PCDH17: variants seen among roughly 807,000 people sequenced by gnomAD.
PCDH17 encodes protocadherin-17.
A neutral mutation model predicts 67.7 loss-of-function variants in PCDH17; 21 were observed. The ratio of observed to expected loss-of-function variants is 0.31; its 90% CI spans 0.22 to 0.45. PCDH17 has a LOEUF of 0.45. PCDH17 is among the 20% of genes least tolerant of loss of function. The pLI is 1.00. For missense variants in PCDH17, 1,471 were observed against 1,564.8 expected, an observed-to-expected ratio of 0.94 and a Z score of 1.01; for synonymous variants, 701 against 656.7, an observed-to-expected ratio of 1.07 and a Z score of -1.03.
At chr13:57,657,908 C>T (rs908506974) in intron 1 of PCDH17, among the ~76,000 whole-genome samples, 2 of 152,106 alleles carry the variant, frequency 1.3e-5, no homozygotes, top group Non-Finnish European at 2.9e-5. Flanking sequence ...CATCCAACCC[C>T]AAATTAGATT....
intron 3 of PCDH17, among the ~76,000 whole-genome samples, chr13:57,682,715 A>C (rs1955465031): frequency 6.6e-6 from 1 of 151,844 alleles, no homozygotes; most frequent in Non-Finnish European, 1.5e-5. Context: ...AAGTATTCCC[A>C]ATGACTAGTT....
At chr13:57,689,267 GA>G (rs1955535246) in intron 3 of PCDH17, among the ~76,000 whole-genome samples, 1 of 152,006 alleles carries the variant, frequency 6.6e-6, no homozygotes, top group Admixed American at 6.6e-5. Flanking sequence ...AGCACAACCA[GA>G]AGCTCCCTGG....
At chr13:57,641,155 T>C (rs778342731) in intron 1 of PCDH17, among the ~76,000 whole-genome samples, 17 of 151,864 alleles carry the variant, frequency 1.1e-4, no homozygotes, top group South Asian at 2.1e-4. Flanking sequence ...AGACCTGCAT[T>C]AACCTATTGT....
intron 1 of PCDH17, among the ~76,000 whole-genome samples, chr13:57,656,293 T>C (rs1955102327): frequency 6.6e-6 from 1 of 152,124 alleles, no homozygotes; most frequent in African/African-American, 2.4e-5. Flanking sequence ...GCTAAATAAA[T>C]TAGGCTAAAA....
chr13:57,664,514 T>A (rs914202679), intron 1 of PCDH17, among the ~76,000 whole-genome samples: 3 of 152,140 alleles, frequency 2.0e-5, no homozygotes, highest in African/African-American at 7.2e-5. Context: ...CCCAGACTAT[T>A]TCCTTGTGTC....
At position 57,668,331 on chromosome 13, in the gene PCDH17, G is replaced by A. The variant is rs565796155; in HGVS notation, c.2797+1498G>A. On this transcript the variant is annotated intron_variant, in intron 3 of 3. Coordinates refer to ENST00000377918, the MANE Select transcript of PCDH17 (RefSeq NM_001040429.3). ...CACATAAAATGATTGATAGATAATT[G>A]ATTGGCTACTACTTATGAAAATGCC... Among the ~76,000 whole-genome samples, 4 of 152,102 alleles carry A rather than the reference G, an allele frequency of 2.6e-5. 1 individual carries two copies. The South Asian group carries it at 8.3e-4, about 32-fold the overall frequency.
chr13:57,666,359 T>A, intron 1 of PCDH17, 109 bp from the exon 2 acceptor site: 1 of 797,478 alleles, frequency 1.3e-6, no homozygotes, highest in Non-Finnish European at 2.1e-6. Context: ...ATCTGAAGAT[T>A]AAGGGAATTT....
chr13:57,636,630 AAAAG>A (rs1954827027), intron 1 of PCDH17, among the ~76,000 whole-genome samples: 1 of 152,140 alleles, frequency 6.6e-6, no homozygotes. Flanking sequence ...ATAAAACTGA[AAAAG>A]AAATTCTCCA....
At chr13:57,708,519 C>T (rs189246044) in intron 3 of PCDH17, among the ~76,000 whole-genome samples, 162 of 152,010 alleles carry the variant, frequency 1.1e-3, no homozygotes, top group Non-Finnish European at 1.7e-3. Flanking sequence ...TAAACATGTG[C>T]GTGAGGCAGA....
chr13:57,663,070 A>AT (rs1331132366), intron 1 of PCDH17, among the ~76,000 whole-genome samples: 3 of 152,112 alleles, frequency 2.0e-5, no homozygotes, highest in Non-Finnish European at 4.4e-5. Flanking sequence ...TGTATTATTG[A>AT]TTTTTTGTAG....
chr13:57,708,628 A>C (rs1955743199), intron 3 of PCDH17, among the ~76,000 whole-genome samples: 1 of 151,990 alleles, frequency 6.6e-6, no homozygotes, highest in African/African-American at 2.4e-5. Context: ...AAAGAAAAGA[A>C]TGAAAGAAAT....
rs545661883 is a variant in PCDH17 at position 57,692,600 on chromosome 13, C to T, written c.2797+25767C>T. Among the ~76,000 whole-genome samples, 9 of 151,336 alleles carry T rather than the reference C, an allele frequency of 5.9e-5. No individual in the cohort carries two copies. The South Asian group carries it at 1.9e-3, about 31-fold the overall frequency. On this transcript the variant is annotated intron_variant, in intron 3 of 3. Transcript: ENST00000377918. ...CATATCCTTTTATTGGAACACACTTCTAAAGGTGGCCATGTGAAAAGAAGA... is the reference window on the plus strand; with the variant it reads ...CATATCCTTTTATTGGAACACACTTTTAAAGGTGGCCATGTGAAAAGAAGA...
chr13:57,631,572 G>A (rs1190720577), upstream of PCDH17, among the ~76,000 whole-genome samples: 3 of 152,144 alleles, frequency 2.0e-5, no homozygotes, highest in South Asian at 4.1e-4. Flanking sequence ...TGTGTTCTAC[G>A]AACAGAGGCG....
At chr13:57,662,446 G>A (rs1223386017) in intron 1 of PCDH17, among the ~76,000 whole-genome samples, 3 of 151,956 alleles carry the variant, frequency 2.0e-5, no homozygotes. Flanking sequence ...TCAGCATACA[G>A]ATCCTATACA....
At chr13:57,698,372 T>C (rs1382976370) in intron 3 of PCDH17, among the ~76,000 whole-genome samples, 1 of 151,828 alleles carries the variant, frequency 6.6e-6, no homozygotes, top group East Asian at 1.9e-4. Flanking sequence ...CTGTTGGCCT[T>C]ATAGGAAAAT....
At chr13:57,720,197 T>A (rs1443006377) in intron 3 of PCDH17, among the ~76,000 whole-genome samples, 1 of 152,002 alleles carries the variant, frequency 6.6e-6, no homozygotes, top group East Asian at 1.9e-4. Context: ...AACTGCTTAG[T>A]GTAGGTTAAA....
At chr13:57,637,413 G>A (rs1423790110) in intron 1 of PCDH17, among the ~76,000 whole-genome samples, 1 of 151,628 alleles carries the variant, frequency 6.6e-6, no homozygotes, top group Non-Finnish European at 1.5e-5. Context: ...ATGGGGAGCA[G>A]AGTAAATTAA....
upstream of PCDH17, among the ~76,000 whole-genome samples, chr13:57,631,545 G>A (rs1954720419): frequency 6.6e-6 from 1 of 152,318 alleles, no homozygotes; most frequent in South Asian, 2.1e-4. Context: ...CTGGCTTGGC[G>A]TAGAGAAATC....
At chr13:57,711,774 G>A (rs1566245077) in intron 3 of PCDH17, among the ~76,000 whole-genome samples, 1 of 150,882 alleles carries the variant, frequency 6.6e-6, no homozygotes, top group East Asian at 1.9e-4. Context: ...AAAATAATCA[G>A]AATAATAATA....
Sources: gnomAD v4.1 joint callset for allele counts (sites outside exome capture counted in the v4.1 genomes callset) on GRCh38, gnomAD v4.1.1 for gene constraint, MANE v1.5 for transcripts, NCBI Gene and HGNC (gene_info 2026-07-23, HGNC 2026-07-21) for gene names.